The following FAM169A variants were observed in gnomAD, a reference collection of about 807,000 sequenced individuals.
The protein encoded by FAM169A is soluble lamin-associated protein of 75 kDa.
FAM169A carries 24 observed loss-of-function variants against 75.7 expected under a neutral mutation model. The ratio of observed to expected loss-of-function variants is 0.32; its 90% CI spans 0.23 to 0.45. The LOEUF (loss-of-function observed/expected upper bound fraction) is 0.45, where lower values mean the gene tolerates loss of function less well. Among genes scored for constraint, FAM169A ranks in the 20% least tolerant of loss-of-function variants. The pLI, the probability that FAM169A is intolerant of heterozygous loss-of-function variation, is 1.00. For missense variants in FAM169A, 673 were observed against 784.0 expected (o/e 0.86, Z 1.69); for synonymous variants, 271 against 271.0 (o/e 1.00, Z 0.00).
At chr5:74,866,591 G>T, upstream of FAM169A, 2 of 568,720 alleles carry the variant, frequency 3.5e-6, no homozygotes, top group Non-Finnish European at 4.5e-6. Flanking sequence ...CGCCACCCGC[G>T]CCCCCTCTCT....
Position 74,782,012 on chromosome 5 carries a change from A to C in FAM169A, c.1465-4T>G. 6.3e-7 allele frequency: 1 copy of C among 1,591,620 alleles called. No individual in the cohort carries two copies. Among genetic ancestry groups the C allele is most frequent in the Non-Finnish European group, 8.6e-7 (1 of 1,168,138 alleles). ...CTGAGTCAGGTATACGTGGGGTCTGAAAATTAAAAACCTGGTCAACAAATA... is the reference window on the plus strand; with the variant it reads ...CTGAGTCAGGTATACGTGGGGTCTGCAAATTAAAAACCTGGTCAACAAATA... On this transcript the variant is annotated splice_region_variant and splice_polypyrimidine_tract_variant and intron_variant, in intron 12 of 12. Coordinates refer to ENST00000687041, the MANE Select transcript of FAM169A (RefSeq NM_001376049.1).
chr5:74,801,654 C>T lies in FAM169A; in HGVS notation c.913-25G>A, dbSNP rs376106369. The T allele has an allele frequency of 1.8e-5, 29 of 1,591,532 alleles. 1 individual carries two copies. In the African/African-American group the frequency reaches 3.8e-4, roughly 21 times the overall value. On this transcript the variant is annotated intron_variant, in intron 8 of 12. Transcript: ENST00000687041. Reference sequence around the variant, plus strand: ...TCTAAAAAAGAGAGAGATTCAAACCCAAAGTTTTAGACTATTTTTTCTCCC... The same window carrying T: ...TCTAAAAAAGAGAGAGATTCAAACCTAAAGTTTTAGACTATTTTTTCTCCC...
At chr5:74,851,065 G>A (rs1040303335) in intron 1 of FAM169A, among the ~76,000 whole-genome samples, 3 of 152,162 alleles carry the variant, frequency 2.0e-5, no homozygotes, top group African/African-American at 7.2e-5. Flanking sequence ...ACAGGCACAT[G>A]CCACCACACC....
chr5:74,866,777 C>T (rs369673864), upstream of FAM169A: 75 of 985,570 alleles, frequency 7.6e-5, 1 homozygote, highest in South Asian at 3.1e-3. Context: ...TCGCATAGCC[C>T]GGTGGAGTTC....
At chr5:74,845,524 T>C (rs1749109414) in intron 1 of FAM169A, among the ~76,000 whole-genome samples, 1 of 151,970 alleles carries the variant, frequency 6.6e-6, no homozygotes, top group African/African-American at 2.4e-5. Flanking sequence ...TCTCAAAAAA[T>C]ACAAATAAAT....
chr5:74,801,609 G>A lies in FAM169A; in HGVS notation c.933C>T (p.Ala311=), dbSNP rs548511651. The A allele has an allele frequency of 2.4e-5, 39 of 1,608,216 alleles. No individual in the cohort carries two copies. The Admixed American group carries it at 3.4e-4, about 14-fold the overall frequency. The change falls in exon 9 of 13, where the codon GCC becomes GCT. Residue 311 remains alanine, a synonymous_variant. Coordinates refer to ENST00000687041, the MANE Select transcript of FAM169A (RefSeq NM_001376049.1). ...MQLTIDSLKD[A]FASTSEGHDK... ...TCTTACCTTCGGAAGTGCTTGCAAA[G>A]GCATCTTTTAGAGAATCAATCTAAA... is the stretch of plus-strand genomic sequence containing the variant.
At chr5:74,842,535 CTT>C (rs559380991) in intron 1 of FAM169A, among the ~76,000 whole-genome samples, 15 of 84,632 alleles carry the variant, frequency 1.8e-4, no homozygotes, top group East Asian at 3.9e-4. Flanking sequence ...TAGCTTTTTT[CTT>C]TTTTTTTTTT....
At position 74,800,923 on chromosome 5, in the gene FAM169A, C is replaced by G. The variant is rs568496447; in HGVS notation, c.1060G>C (p.Asp354His). ...DSEFSSSQGE[D>H]EKTSQTSLTA... ...AGTGAAGTCTGGGAGGTCTTTTCAT[C>G]TTCACCTTGAGAACTGCTAAATTCA... The change falls in exon 10 of 13, where the codon GAT becomes CAT. Residue 354 changes from aspartate to histidine, a missense_variant. Physicochemically the swap from Asp to His is moderately conservative, Grantham distance 81. Around this residue, in one of 3 missense-constraint regions of FAM169A, gnomAD observed 510 missense variants for 550.9 expected, o/e 0.93. Coordinates refer to ENST00000687041, the MANE Select transcript of FAM169A (RefSeq NM_001376049.1). 6.6e-7 allele frequency: 1 copy of G among 1,522,386 alleles called. No homozygotes were observed. Among genetic ancestry groups the G allele is most frequent in the South Asian group, 1.3e-5 (1 of 75,590 alleles). 94.3% of individuals were successfully genotyped at this position (1,522,386 alleles called of 1,614,324 possible).
chr5:74,815,098 C>T (rs925525040), intron 5 of FAM169A, among the ~76,000 whole-genome samples: 13 of 152,136 alleles, frequency 8.5e-5, no homozygotes, highest in African/African-American at 2.9e-4. Context: ...ACTTACATAA[C>T]TTTCTGGAAC....
chr5:74,851,851 C>T (rs1431810196), intron 1 of FAM169A, among the ~76,000 whole-genome samples: 1 of 152,178 alleles, frequency 6.6e-6, no homozygotes, highest in Non-Finnish European at 1.5e-5. Flanking sequence ...TACCTGGCTT[C>T]TCTACCACGT....
chr5:74,830,785 G>A (rs972254512), intron 5 of FAM169A, among the ~76,000 whole-genome samples: 8 of 152,030 alleles, frequency 5.3e-5, no homozygotes, highest in African/African-American at 1.9e-4. Context: ...AACCTACTAA[G>A]AATAAATCAT....
chr5:74,794,287 A>C (rs1381523542), intron 11 of FAM169A, among the ~76,000 whole-genome samples: 3 of 150,860 alleles, frequency 2.0e-5, no homozygotes, highest in African/African-American at 4.9e-5. Context: ...CCAGCTACTC[A>C]GGAGGCTGAG....
intron 8 of FAM169A, among the ~76,000 whole-genome samples, chr5:74,803,419 G>A (rs1746689543): frequency 6.6e-6 from 1 of 152,044 alleles, no homozygotes; most frequent in South Asian, 2.1e-4. Context: ...TCTTAAAAAT[G>A]TTTACAAATT....
chr5:74,836,567 C>CCCTT (rs1231721217), intron 4 of FAM169A, among the ~76,000 whole-genome samples: 3 of 152,190 alleles, frequency 2.0e-5, no homozygotes, highest in Non-Finnish European at 2.9e-5. Flanking sequence ...AAGGGTTACA[C>CCCTT]CCTTCTGTAA....
intron 1 of FAM169A, among the ~76,000 whole-genome samples, chr5:74,853,827 C>T (rs917106072): frequency 1.3e-5 from 2 of 150,908 alleles, no homozygotes; most frequent in African/African-American, 4.9e-5. Context: ...CCTGCCTCAG[C>T]CTCCCGAGTA....
In FAM169A at chr5:74,839,059, GAATA is replaced by G. The variant is rs1357459897; in HGVS notation, c.233-13_233-10del. 1 of 1,601,614 alleles carries G rather than the reference GAATA, an allele frequency of 6.2e-7. No homozygotes were observed. Among genetic ancestry groups the G allele is most frequent in the Non-Finnish European group, 8.6e-7 (1 of 1,169,110 alleles). On this transcript the variant is annotated splice_polypyrimidine_tract_variant and intron_variant, in intron 3 of 12. Coordinates refer to ENST00000687041, the MANE Select transcript of FAM169A (RefSeq NM_001376049.1). ...AAGGTAAAGTGCCACAGCTAAAATA[GAATA>G]AATAATCATTAACACTTGAGTTTTA... is the stretch of plus-strand genomic sequence containing the variant.
intron 1 of FAM169A, among the ~76,000 whole-genome samples, chr5:74,843,675 C>G (rs567169340): frequency 6.6e-6 from 1 of 152,160 alleles, no homozygotes; most frequent in Non-Finnish European, 1.5e-5. Context: ...ATTCAGTATG[C>G]TCTTTACTGT....
At chr5:74,859,644 T>C (rs1749932561) in intron 1 of FAM169A, among the ~76,000 whole-genome samples, 1 of 152,186 alleles carries the variant, frequency 6.6e-6, no homozygotes, top group African/African-American at 2.4e-5. Flanking sequence ...ATACTATATC[T>C]CATGTAAATC....
At chr5:74,804,468 A>G (rs1187111860) in intron 8 of FAM169A, 25 bp downstream of exon 8, 1 of 1,239,214 alleles carries the variant, frequency 8.1e-7, no homozygotes, top group South Asian at 1.7e-5. Flanking sequence ...ATATACAACA[A>G]TAAACATATA....
Sources: gnomAD v4.1 joint callset for allele counts (sites outside exome capture counted in the v4.1 genomes callset) on GRCh38, gnomAD v4.1.1 for gene constraint, gnomAD v4.1.1 regional missense constraint, MANE v1.5 for transcripts, NCBI Gene and HGNC (gene_info 2026-07-23, HGNC 2026-07-21) for gene names.